IARS2: variants seen among roughly 807,000 people sequenced by gnomAD.
The protein encoded by IARS2 is isoleucine--tRNA ligase, mitochondrial.
IARS2 carries 56 observed loss-of-function variants against 126.3 expected under a neutral mutation model. The ratio of observed to expected loss-of-function variants is 0.44; its 90% confidence interval spans 0.36 to 0.55. The LOEUF (loss-of-function observed/expected upper bound fraction) is 0.55, where lower values mean the gene tolerates loss of function less well. IARS2 is among the 20% of genes least tolerant of loss of function. The pLI is 0.00. For missense variants in IARS2, 1,127 were observed against 1,245.9 expected, an observed-to-expected ratio of 0.90 and a Z score of 1.44; for synonymous variants, 407 against 441.1, an observed-to-expected ratio of 0.92 and a Z score of 0.97.
intron 14 of IARS2, among the ~76,000 whole-genome samples, chr1:220,127,182 C>CT (rs926418360): frequency 1.3e-5 from 2 of 152,194 alleles, no homozygotes; most frequent in Non-Finnish European, 2.9e-5. Context: ...CTGAAATAGT[C>CT]TGACCCCATA....
chr1:220,098,000 G>A (rs1178081946), intron 2 of IARS2, among the ~76,000 whole-genome samples: 3 of 151,902 alleles, frequency 2.0e-5, no homozygotes, highest in Non-Finnish European at 4.4e-5. Flanking sequence ...TCAGTCTCCC[G>A]AGTAGCTGGG....
intron 14 of IARS2, among the ~76,000 whole-genome samples, chr1:220,133,273 T>G (rs1008261461): frequency 2.0e-5 from 3 of 152,108 alleles, no homozygotes; most frequent in African/African-American, 7.2e-5. Flanking sequence ...CTCAAAGGGC[T>G]GGGGTTACAG....
At chr1:220,145,478 T>A in intron 21 of IARS2, 31 bp from the exon 22 acceptor site, 1 of 1,576,770 alleles carries the variant, frequency 6.3e-7, no homozygotes, top group Non-Finnish European at 8.6e-7. Flanking sequence ...AAATTTAACA[T>A]AAACTGTAAC....
intron 11 of IARS2, among the ~76,000 whole-genome samples, chr1:220,112,994 C>T (rs533204172): frequency 4.8e-4 from 73 of 152,214 alleles, no homozygotes; most frequent in Middle Eastern, 3.4e-3. Flanking sequence ...TTCTGATTAG[C>T]TGGAATTATA....
rs1657632354 is a variant in IARS2, at chr1:220,147,666, C to T, written c.*31C>T. The T allele has an allele frequency of 1.9e-6, 3 of 1,610,566 alleles. No homozygotes were observed. In the African/African-American group the frequency reaches 4.0e-5, roughly 21 times the overall value. ...ACAGCTCACTCGAGCAAGAACCCTCCTGACAGTACTGGCTAGAAGTTTGGA... is the reference window on the plus strand; with the variant it reads ...ACAGCTCACTCGAGCAAGAACCCTCTTGACAGTACTGGCTAGAAGTTTGGA... On this transcript the variant is annotated 3_prime_UTR_variant, in exon 23 of 23. Transcript: ENST00000366922.
In IARS2 at chr1:220,102,175, T is replaced by C. The variant is rs1240451106; in HGVS notation, c.597T>C (p.Phe199=). 3.7e-6 allele frequency: 6 copies of C among 1,611,642 alleles called. No individual in the cohort carries two copies. In the Admixed American group the frequency reaches 1.0e-4, roughly 27 times the overall value. ...KAAIEKQKSA[F]IRWGIMADWN... ...CCATTGAGAAACAGAAATCAGCATT[T>C]ATTCGTTGGGGAATAATGGCAGATT... Residue 199 remains phenylalanine (F), a synonymous_variant, in exon 4 of 23, where the codon TTT becomes TTC. Transcript: ENST00000366922.
At chr1:220,123,869 A>G (rs990108611) in intron 12 of IARS2, among the ~76,000 whole-genome samples, 1 of 152,268 alleles carries the variant, frequency 6.6e-6, no homozygotes, top group Non-Finnish European at 1.5e-5. Flanking sequence ...TCAGGCCCAG[A>G]CCTGACGTCA....
At chr1:220,136,742 G>A in intron 15 of IARS2, 67 bp from the exon 16 acceptor site, 1 of 761,060 alleles carries the variant, frequency 1.3e-6, no homozygotes, top group South Asian at 1.9e-5. Flanking sequence ...TTTTTAAGCT[G>A]TACCTAATCT....
Position 220,094,326 on chromosome 1 carries a change from CG to C in IARS2, c.111del (p.Lys38ArgfsTer36). The C allele has an allele frequency of 6.2e-7, 1 of 1,612,866 alleles. No individual in the cohort carries two copies. Among genetic ancestry groups the C allele is most frequent in the East Asian group, 2.2e-5 (1 of 44,846 alleles). On this transcript the variant is annotated frameshift_variant, in exon 1 of 23. Coordinates refer to ENST00000366922, the MANE Select transcript of IARS2 (RefSeq NM_018060.4). LOFTEE classifies it high-confidence loss of function. ...LPCSPGWQGA[T>X]KRLLVRSVSG... is the part of the protein sequence containing the mutation. ...TGCAGCCCGGGATGGCAAGGGGCGA[CG>C]AAGAGGCTTCTGGTGCGGTCGGTCT...
chr1:220,140,276 A>G lies in IARS2; in HGVS notation c.2401A>G (p.Ile801Val), dbSNP rs745340840. 8 of 1,575,110 alleles carry G rather than the reference A, an allele frequency of 5.1e-6. No individual in the cohort carries two copies. Among genetic ancestry groups the G allele is most frequent in the South Asian group, 1.1e-5 (1 of 90,262 alleles). Residue 801 changes from isoleucine to valine, a missense_variant, in exon 19 of 23, where the codon ATA becomes GTA. Coordinates refer to ENST00000366922, the MANE Select transcript of IARS2 (RefSeq NM_018060.4). ...AGAGCTCTCTAACTTTTATTTCAGT[A>G]TAATCAAAGATAGGTATGTATGACT... ...TRELSNFYFS[I>V]IKDRLYCEKE... is the part of the protein sequence containing the mutation.
chr1:220,099,211 C>CAAA (rs1184799314), intron 2 of IARS2, among the ~76,000 whole-genome samples: 2 of 49,188 alleles, frequency 4.1e-5, no homozygotes, highest in African/African-American at 1.6e-4. Flanking sequence ...GACTCCGTCT[C>CAAA]AAAAAAAAAA....
intron 11 of IARS2, among the ~76,000 whole-genome samples, chr1:220,111,139 A>G (rs780828545): frequency 3.9e-5 from 6 of 152,196 alleles, no homozygotes; most frequent in Non-Finnish European, 8.8e-5. Flanking sequence ...AATGAGGCAT[A>G]AAGAGGTTGA....
chr1:220,100,146 A>G (rs1656541633), intron 2 of IARS2, among the ~76,000 whole-genome samples: 1 of 152,226 alleles, frequency 6.6e-6, no homozygotes, highest in African/African-American at 2.4e-5. Flanking sequence ...AACTATACCT[A>G]ATGAAGAGGT....
At chr1:220,129,298 T>C (rs1054548586) in intron 14 of IARS2, among the ~76,000 whole-genome samples, 1 of 152,226 alleles carries the variant, frequency 6.6e-6, no homozygotes, top group African/African-American at 2.4e-5. Context: ...GCATTTAATA[T>C]GTAATGATCA....
chr1:220,138,007 A>G lies in IARS2; in HGVS notation c.2139A>G (p.Pro713=). The G allele has an allele frequency of 6.2e-7, 1 of 1,614,134 alleles. No individual in the cohort carries two copies. ...TCTTCACCGAAGTTGCAATTGGCCC[A>G]TCCGTGCTCAATGCTGCCAGAGATG... ...SNVFTEVAIG[P]SVLNAARDDI... is the part of the protein sequence containing the mutation. Residue 713 remains proline, a synonymous_variant, in exon 17 of 23, where the codon CCA becomes CCG. Transcript: ENST00000366922.
chr1:220,099,211 C>CAAAA (rs1184799314), intron 2 of IARS2, among the ~76,000 whole-genome samples: 2 of 49,176 alleles, frequency 4.1e-5, no homozygotes, highest in Non-Finnish European at 4.3e-5. Flanking sequence ...GACTCCGTCT[C>CAAAA]AAAAAAAAAA....
chr1:220,136,982 A>G (rs1657390146), intron 16 of IARS2, 71 bp downstream of exon 16: 2 of 818,226 alleles, frequency 2.4e-6, no homozygotes, highest in Non-Finnish European at 4.0e-6. Flanking sequence ...AGCCCTTAAT[A>G]TAGTTACTTC....
chr1:220,146,517 C>CAAAAAAAAAAA (rs1186000971), intron 22 of IARS2, among the ~76,000 whole-genome samples: 10 of 62,054 alleles, frequency 1.6e-4, no homozygotes, highest in African/African-American at 5.7e-4. Flanking sequence ...GACTCCGTCT[C>CAAAAAAAAAAA]AAAAAAAAAA....
intron 21 of IARS2, among the ~76,000 whole-genome samples, chr1:220,145,253 A>G (rs1193937842): frequency 3.3e-5 from 5 of 152,114 alleles, no homozygotes; most frequent in Non-Finnish European, 7.4e-5. Flanking sequence ...TGTATGTGAC[A>G]ATTAGAAGTA....
Sources: gnomAD v4.1 joint callset for allele counts (sites outside exome capture counted in the v4.1 genomes callset) on GRCh38, gnomAD v4.1.1 for gene constraint, MANE v1.5 for transcripts, NCBI Gene and HGNC (gene_info 2026-07-23, HGNC 2026-07-21) for gene names.